MAGI1: variants seen among roughly 807,000 people sequenced by gnomAD.
MAGI1 encodes membrane-associated guanylate kinase, WW and PDZ domain-containing protein 1.
In MAGI1, 58 loss-of-function variants were observed where a neutral mutation model predicts 139.9. The observed-to-expected ratio is 0.41, with a 90% confidence interval of 0.34 to 0.52. The LOEUF (loss-of-function observed/expected upper bound fraction) is 0.52, where lower values mean the gene tolerates loss of function less well. Among genes scored for constraint, MAGI1 ranks in the 20% least tolerant of loss-of-function variants. The pLI is 0.12. For missense variants in MAGI1, 1,874 were observed against 1,901.6 expected, an observed-to-expected ratio of 0.99 and a Z score of 0.27; for synonymous variants, 812 against 737.9, an observed-to-expected ratio of 1.10 and a Z score of -1.63.
At chr3:65,613,131 G>A (rs1243743377) in intron 2 of MAGI1, among the ~76,000 whole-genome samples, 2 of 152,088 alleles carry the variant, frequency 1.3e-5, no homozygotes, top group Admixed American at 6.6e-5. Context: ...TTAGAACTAG[G>A]TTTGAATCTG....
intron 1 of MAGI1, among the ~76,000 whole-genome samples, chr3:66,024,315 TAAAAAAAAAAAAAA>T (rs34593257): frequency 8.4e-5 from 8 of 95,778 alleles, no homozygotes; most frequent in Non-Finnish European, 1.6e-4. Context: ...CAAAGTTCAT[TAAAAAAAAAAAAAA>T]AAAAAAAAAG....
At position 65,809,192 on chromosome 3, in the gene MAGI1, GCA is replaced by G. The variant is rs1166071041; in HGVS notation, c.314-187106_314-187105del. Among the ~76,000 whole-genome samples the G allele has an allele frequency of 2.0e-5, 3 of 152,274 alleles. No individual in the cohort carries two copies. The South Asian group carries it at 6.2e-4, about 32-fold the overall frequency. On this transcript the variant is annotated intron_variant, in intron 1 of 22. Transcript: ENST00000402939. Reference sequence around the variant, plus strand: ...AAAAAGGTTTCACACAGCATTCCCAGCACAGACAGTGACGATGTGCTCTAATA... The same window carrying G: ...AAAAAGGTTTCACACAGCATTCCCAGCAGACAGTGACGATGTGCTCTAATA...
At chr3:65,853,878 G>C (rs1447336051) in intron 1 of MAGI1, among the ~76,000 whole-genome samples, 1 of 152,134 alleles carries the variant, frequency 6.6e-6, no homozygotes, top group Middle Eastern at 3.2e-3. Flanking sequence ...GCCAAGGCTG[G>C]TGGATCACCT....
At chr3:65,448,708 A>G (rs1948829801) in intron 6 of MAGI1, among the ~76,000 whole-genome samples, 1 of 151,734 alleles carries the variant, frequency 6.6e-6, no homozygotes, top group Non-Finnish European at 1.5e-5. Context: ...ACACACACAC[A>G]CACACACACA....
At chr3:65,987,327 A>G (rs1330689491) in intron 1 of MAGI1, among the ~76,000 whole-genome samples, 1 of 152,162 alleles carries the variant, frequency 6.6e-6, no homozygotes, top group Non-Finnish European at 1.5e-5. Context: ...CCTAGATGAA[A>G]TGGAGATGGC....
intron 2 of MAGI1, among the ~76,000 whole-genome samples, chr3:65,554,434 C>A (rs1268727939): frequency 6.6e-6 from 1 of 152,082 alleles, no homozygotes; most frequent in Non-Finnish European, 1.5e-5. Flanking sequence ...TGGGGTTGAG[C>A]ATAAACCAAG....
At chr3:65,462,021 GC>G (rs1949830553) in intron 5 of MAGI1, among the ~76,000 whole-genome samples, 1 of 151,950 alleles carries the variant, frequency 6.6e-6, no homozygotes, top group Non-Finnish European at 1.5e-5. Context: ...CTGGATGTTA[GC>G]CCTTTGAATG....
At chr3:65,372,622 C>G (rs923470109) in intron 18 of MAGI1, among the ~76,000 whole-genome samples, 2 of 130,414 alleles carry the variant, frequency 1.5e-5, no homozygotes, top group Non-Finnish European at 3.1e-5. Context: ...TCTTAAATGA[C>G]CATCTTCTTT....
At chr3:65,837,147 G>C (rs2042856518) in intron 1 of MAGI1, among the ~76,000 whole-genome samples, 1 of 152,086 alleles carries the variant, frequency 6.6e-6, no homozygotes, top group Non-Finnish European at 1.5e-5. Flanking sequence ...CACAGAACTT[G>C]CTTCTCCACG....
In MAGI1 at chr3:65,753,645, C is replaced by T. The variant is rs181670863; in HGVS notation, c.314-131557G>A. On this transcript the variant is annotated intron_variant, in intron 1 of 22. Coordinates refer to ENST00000402939, the MANE Select transcript of MAGI1 (RefSeq NM_001033057.2). The stretch of plus-strand genomic sequence containing the variant: ...CTGAGGCAGCAGAATCACTTGAGCT[C>T]GGGAGGCAGAGGTTCCAGTGAGCCA... 7.4e-5 allele frequency among the ~76,000 whole-genome samples: 11 copies of T among 148,890 alleles called. No individual in the cohort carries two copies. In the East Asian group the frequency reaches 1.8e-3, roughly 24 times the overall value.
chr3:65,391,292 G>T lies in MAGI1; in HGVS notation c.2266C>A (p.His756Asn). The stretch of plus-strand genomic sequence containing the variant: ...GTGCTGTGGCTTGGGGATGCTGTGT[G>T]CAGGCTTCGGTGGCTGGAAACACTG... ...QHSVSSHRSLHTASPSHSTQV... is the reference protein window; with the variant it reads ...QHSVSSHRSLNTASPSHSTQV... Residue 756 changes from histidine (H) to asparagine (N), a missense_variant, in exon 14 of 23, where the codon CAC becomes AAC. This residue lies in a region of MAGI1 where 482 missense variants were observed against 509.6 expected (regional missense o/e 0.95). Transcript: ENST00000402939. 1 of 1,614,188 alleles carries T rather than the reference G, an allele frequency of 6.2e-7. No homozygotes were observed. The highest frequency in any genetic ancestry group is 8.5e-7 in the Non-Finnish European group (1 of 1,180,034).
intron 1 of MAGI1, among the ~76,000 whole-genome samples, chr3:65,696,261 G>C (rs2089177679): frequency 6.6e-6 from 1 of 152,104 alleles, no homozygotes; most frequent in South Asian, 2.1e-4. Flanking sequence ...GAAACCCTCT[G>C]TCTCCATCAC....
chr3:65,953,305 C>T (rs191038047), intron 1 of MAGI1, among the ~76,000 whole-genome samples: 137 of 152,272 alleles, frequency 9.0e-4, no homozygotes, highest in Admixed American at 2.3e-3. Flanking sequence ...AAACCAAAGG[C>T]CTTCATGAGG....
chr3:65,696,960 A>G (rs915152139), intron 1 of MAGI1, among the ~76,000 whole-genome samples: 2 of 152,206 alleles, frequency 1.3e-5, no homozygotes, highest in African/African-American at 4.8e-5. Flanking sequence ...GGATCAACAA[A>G]ATTGATAGAC....
intron 1 of MAGI1, among the ~76,000 whole-genome samples, chr3:65,867,084 T>C (rs1389563167): frequency 1.3e-5 from 2 of 152,218 alleles, no homozygotes; most frequent in Non-Finnish European, 2.9e-5. Flanking sequence ...TTTCCTGATC[T>C]GGAAATTGGA....
intron 5 of MAGI1, among the ~76,000 whole-genome samples, chr3:65,461,502 T>C (rs1301066620): frequency 1.3e-5 from 2 of 148,522 alleles, no homozygotes; most frequent in Non-Finnish European, 3.0e-5. Context: ...TTTTTTTTTT[T>C]TTTTAAGACA....
At chr3:65,428,429 G>A (rs924390478) in intron 12 of MAGI1, among the ~76,000 whole-genome samples, 14 of 152,088 alleles carry the variant, frequency 9.2e-5, no homozygotes, top group Admixed American at 3.3e-4. Context: ...GGTGGGATAC[G>A]GACTCAAGGA....
At chr3:65,456,508 C>T (rs1238159072) in intron 5 of MAGI1, among the ~76,000 whole-genome samples, 2 of 152,020 alleles carry the variant, frequency 1.3e-5, no homozygotes, top group Non-Finnish European at 2.9e-5. Context: ...GACTCTTCCA[C>T]AAATCAAAAA....
chr3:65,802,833 A>C (rs2040597583), intron 1 of MAGI1, among the ~76,000 whole-genome samples: 1 of 146,492 alleles, frequency 6.8e-6, no homozygotes. Flanking sequence ...AACTCCACTC[A>C]AAAGATCATC....
Sources: allele counts gnomAD v4.1 joint callset (sites outside exome capture counted in the v4.1 genomes callset), GRCh38; gene constraint gnomAD v4.1.1; regional missense constraint gnomAD v4.1.1; transcripts MANE v1.5; gene names NCBI Gene and HGNC (gene_info 2026-07-23, HGNC 2026-07-21).